The following EPHB2 variants were observed in gnomAD, a reference collection of about 807,000 sequenced individuals.
EPHB2 encodes the protein ephrin type-B receptor 2.
In EPHB2, 18 loss-of-function variants were observed where a neutral mutation model predicts 96.4. The observed-to-expected ratio is 0.19, with a 90% CI of 0.13 to 0.28. EPHB2 has a LOEUF of 0.28. Among genes scored for constraint, EPHB2 ranks in the 10% least tolerant of loss-of-function variants. The probability of loss-of-function intolerance (pLI) is 1.00; values close to 1 mark genes in which losing one functional copy is unlikely to be tolerated. For missense variants in EPHB2, 989 were observed against 1,355.4 expected, an observed-to-expected ratio of 0.73 and a Z score of 4.25; for synonymous variants, 506 against 534.1, an observed-to-expected ratio of 0.95 and a Z score of 0.72.
In EPHB2 at chr1:22,846,560, C is replaced by A. The variant is rs564336154; in HGVS notation, c.812-16477C>A. On this transcript the variant is annotated intron_variant, in intron 3 of 15. Coordinates refer to ENST00000374630, the MANE Select transcript of EPHB2 (RefSeq NM_017449.5). The surrounding 1 kb of genome is among the most constrained non-coding windows in gnomAD (Gnocchi z 4.3). ...GGCCTTGGGCATGGAGAGGTTGGCACGCACCTGTTGCTGGGTAGGCGGCTT... is the reference window on the plus strand; with the variant it reads ...GGCCTTGGGCATGGAGAGGTTGGCAAGCACCTGTTGCTGGGTAGGCGGCTT... Among the ~76,000 whole-genome samples the A allele has an allele frequency of 5.3e-5, 8 of 152,324 alleles. No homozygotes were observed. In the South Asian group the frequency reaches 1.7e-3, roughly 32 times the overall value.
intron 12 of EPHB2, among the ~76,000 whole-genome samples, chr1:22,908,518 G>A (rs1282505893): frequency 6.6e-6 from 1 of 152,248 alleles, no homozygotes; most frequent in Non-Finnish European, 1.5e-5. Context: ...CAGGAATACA[G>A]GCTGTAGGGG....
chr1:22,779,145 A>G (rs935205730), intron 1 of EPHB2, among the ~76,000 whole-genome samples: 1 of 152,240 alleles, frequency 6.6e-6, no homozygotes, highest in African/African-American at 2.4e-5. Flanking sequence ...AAACAGGTTA[A>G]AAGTTCAGCC....
chr1:22,744,664 A>G (rs979839253), intron 1 of EPHB2, among the ~76,000 whole-genome samples: 2 of 111,362 alleles, frequency 1.8e-5, no homozygotes, highest in Non-Finnish European at 3.5e-5. Flanking sequence ...AGAGTGAGAC[A>G]TTGTCTCAAA....
In EPHB2 at chr1:22,913,425, C is replaced by T. The variant is rs776385734; in HGVS notation, c.2853-37C>T. The T allele has an allele frequency of 9.3e-6, 15 of 1,611,208 alleles. No individual in the cohort carries two copies. Among genetic ancestry groups the T allele is most frequent in the Admixed American group, 6.7e-5 (4 of 59,598 alleles). ...CTACCAGGCACAGGACCCCTTCACC[C>T]GCATATTTCCCTAACACACGTGCTT... On this transcript the variant is annotated intron_variant, in intron 15 of 15. Transcript: ENST00000374630. The surrounding 1 kb of genome is among the most constrained non-coding windows in gnomAD (Gnocchi z 4.1).
chr1:22,855,918 A>G (rs563365432), intron 3 of EPHB2, among the ~76,000 whole-genome samples: 2 of 152,262 alleles, frequency 1.3e-5, no homozygotes, highest in East Asian at 1.9e-4. Flanking sequence ...CCCAGGTTCA[A>G]TTTCATCAGA....
intron 1 of EPHB2, among the ~76,000 whole-genome samples, chr1:22,724,870 A>G (rs1196559839): frequency 6.6e-6 from 1 of 152,132 alleles, no homozygotes; most frequent in Non-Finnish European, 1.5e-5. Context: ...TTGGGCTCCT[A>G]GAATCCACCA....
At chr1:22,861,516 AT>A (rs770459780) in intron 3 of EPHB2, among the ~76,000 whole-genome samples, 8 of 152,168 alleles carry the variant, frequency 5.3e-5, no homozygotes, top group Non-Finnish European at 1.0e-4. Context: ...CAAAAGAAGT[AT>A]TTACAGAGCA....
intron 3 of EPHB2, among the ~76,000 whole-genome samples, chr1:22,792,357 G>A (rs1644706642): frequency 6.6e-6 from 1 of 152,154 alleles, no homozygotes; most frequent in Non-Finnish European, 1.5e-5. Flanking sequence ...CAAGGACAGG[G>A]TGGAGACACC....
rs763763578 is a variant in EPHB2, at chr1:22,770,267, A to G, written c.62-11154A>G. ...GATTGCAAGGATTGGATGGTTGGAAAGATAGATGGATGAGTGGGCGTATGG... is the reference window on the plus strand; with the variant it reads ...GATTGCAAGGATTGGATGGTTGGAAGGATAGATGGATGAGTGGGCGTATGG... On this transcript the variant is annotated intron_variant, in intron 1 of 15. Coordinates refer to ENST00000374630, the MANE Select transcript of EPHB2 (RefSeq NM_017449.5). Among the ~76,000 whole-genome samples, 91 of 152,252 alleles carry G rather than the reference A, an allele frequency of 6.0e-4. 1 individual carries two copies. The highest frequency in any genetic ancestry group is 1.2e-3 in the Admixed American group (18 of 15,292).
chr1:22,808,658 T>A (rs1426376292), intron 3 of EPHB2, among the ~76,000 whole-genome samples: 1 of 152,146 alleles, frequency 6.6e-6, no homozygotes, highest in East Asian at 1.9e-4. Context: ...ATTTACTGAG[T>A]GATATTTATA....
At chr1:22,845,722 C>CCA (rs991589267) in intron 3 of EPHB2, among the ~76,000 whole-genome samples, 58 of 151,772 alleles carry the variant, frequency 3.8e-4, no homozygotes, top group Admixed American at 1.2e-3. Flanking sequence ...ACACACACAC[C>CCA]CACACACACA....
chr1:22,727,811 C>CCT (rs148079023), intron 1 of EPHB2, among the ~76,000 whole-genome samples: 2 of 135,790 alleles, frequency 1.5e-5, no homozygotes, highest in Admixed American at 1.4e-4. Context: ...AAAAAAAAAA[C>CCT]TTTTTTTTTT....
intron 2 of EPHB2, among the ~76,000 whole-genome samples, chr1:22,782,093 A>G (rs1315505174): frequency 6.6e-6 from 1 of 152,144 alleles, no homozygotes; most frequent in East Asian, 1.9e-4. Context: ...ATCTGGCATA[A>G]GTTACAGACT....
chr1:22,759,196 TG>T (rs1389445183), intron 1 of EPHB2, among the ~76,000 whole-genome samples: 1 of 152,154 alleles, frequency 6.6e-6, no homozygotes, highest in Admixed American at 6.5e-5. Flanking sequence ...AAGCTTGACT[TG>T]GAGGCCAGCA....
At chr1:22,813,807 T>A (rs1423236611) in intron 3 of EPHB2, among the ~76,000 whole-genome samples, 1 of 152,196 alleles carries the variant, frequency 6.6e-6, no homozygotes, top group Non-Finnish European at 1.5e-5. Context: ...GGCTGGCCAG[T>A]ATTCTATTCA....
intron 3 of EPHB2, among the ~76,000 whole-genome samples, chr1:22,830,645 C>G (rs534711322): frequency 1.3e-5 from 2 of 152,192 alleles, no homozygotes; most frequent in Admixed American, 6.5e-5. Flanking sequence ...GCAACCTCCA[C>G]CTCCCGGGTG....
intron 1 of EPHB2, among the ~76,000 whole-genome samples, chr1:22,761,456 C>G (rs1644234879): frequency 6.6e-6 from 1 of 152,154 alleles, no homozygotes; most frequent in African/African-American, 2.4e-5. Context: ...AACAGAGCAT[C>G]TGGCTGGGAA....
rs183334308 is a variant in EPHB2, at chr1:22,757,905, A to G, written c.62-23516A>G. ...AGACCATGCTCACTATGTGTAAGCT[A>G]TGCTTTTTTTTTTTTTTTTTTTTTT... On this transcript the variant is annotated intron_variant, in intron 1 of 15. Coordinates refer to ENST00000374630, the MANE Select transcript of EPHB2 (RefSeq NM_017449.5). Among the ~76,000 whole-genome samples the G allele has an allele frequency of 3.6e-3, 393 of 110,142 alleles. 5 individuals are homozygous for G. The highest frequency in any genetic ancestry group is 0.012 in the African/African-American group (349 of 27,946). 72.3% of individuals were successfully genotyped at this position (110,142 alleles called of 152,430 possible). A position where few individuals can be genotyped will look rare whatever the true frequency, so the allele number is the denominator to read the frequency against.
chr1:22,786,900 T>A (rs559090879), intron 3 of EPHB2, among the ~76,000 whole-genome samples: 1 of 152,212 alleles, frequency 6.6e-6, no homozygotes, highest in East Asian at 1.9e-4. Flanking sequence ...AGATAACAAA[T>A]TTGGTTTTAC....
Sources: gnomAD v4.1 joint callset for allele counts (sites outside exome capture counted in the v4.1 genomes callset) on GRCh38, gnomAD v4.1.1 for gene constraint, Gnocchi (gnomAD v3.1) non-coding constraint, MANE v1.5 for transcripts, NCBI Gene and HGNC (gene_info 2026-07-23, HGNC 2026-07-21) for gene names.